GMDS: variants seen among roughly 807,000 people sequenced by gnomAD.
GMDS encodes GDP-mannose 4,6 dehydratase.
GMDS carries 20 observed loss-of-function variants against 49.9 expected under a neutral mutation model. That is an observed-to-expected ratio of 0.40 (90% CI 0.28 to 0.58). GMDS has a LOEUF of 0.58. Ranked by LOEUF, GMDS falls within the 20% of genes least tolerant of loss-of-function variation. The pLI is 0.42. For missense variants in GMDS, 362 were observed against 481.4 expected (o/e 0.75, Z 2.32); for synonymous variants, 177 against 178.6 (o/e 0.99, Z 0.07).
chr6:1,911,513 G>A (rs566938125), intron 7 of GMDS, among the ~76,000 whole-genome samples: 32 of 150,426 alleles, frequency 2.1e-4, no homozygotes, highest in Non-Finnish European at 1.5e-5. Context: ...AAAAACAGAC[G>A]TTTATATTTT....
At chr6:2,076,358 C>T (rs942268961) in intron 4 of GMDS, among the ~76,000 whole-genome samples, 33 of 152,156 alleles carry the variant, frequency 2.2e-4, no homozygotes, top group Middle Eastern at 3.4e-3. Context: ...AGATTCAATG[C>T]CATCCCCATC....
At chr6:2,108,860 A>G (rs1581661623) in intron 4 of GMDS, among the ~76,000 whole-genome samples, 1 of 152,306 alleles carries the variant, frequency 6.6e-6, no homozygotes, top group African/African-American at 2.4e-5. Context: ...CACCTGTGAA[A>G]TAAGTGCTTG....
At chr6:1,759,847 A>C (rs1056849464) in intron 7 of GMDS, among the ~76,000 whole-genome samples, 8 of 152,172 alleles carry the variant, frequency 5.3e-5, no homozygotes, top group African/African-American at 1.9e-4. Flanking sequence ...GGAGTGAGTC[A>C]AGCCAGGTGT....
At chr6:2,097,181 G>A (rs1355128978) in intron 4 of GMDS, among the ~76,000 whole-genome samples, 1 of 152,100 alleles carries the variant, frequency 6.6e-6, no homozygotes, top group East Asian at 1.9e-4. Context: ...AGCTGTTACA[G>A]ATCACTGAAT....
chr6:1,984,665 A>G (rs1765435468), intron 4 of GMDS, among the ~76,000 whole-genome samples: 1 of 152,138 alleles, frequency 6.6e-6, no homozygotes, highest in Non-Finnish European at 1.5e-5. Flanking sequence ...TCTACAATCC[A>G]TCCTCCATGC....
At chr6:1,653,173 G>T (rs569106167) in intron 9 of GMDS, among the ~76,000 whole-genome samples, 2 of 152,130 alleles carry the variant, frequency 1.3e-5, no homozygotes, top group East Asian at 3.9e-4. Context: ...TGTACAATTT[G>T]TCTTATTGTT....
chr6:1,844,628 T>C (rs902433748), intron 7 of GMDS, among the ~76,000 whole-genome samples: 15 of 152,310 alleles, frequency 9.8e-5, no homozygotes, highest in Middle Eastern at 3.4e-3. Flanking sequence ...CCTTTTTTCC[T>C]GGATCTGAGA....
chr6:2,124,673 A>G lies in GMDS; in HGVS notation c.147+14T>C, dbSNP rs373859101. The G allele has an allele frequency of 6.2e-6, 10 of 1,610,690 alleles. No individual in the cohort carries two copies. The African/African-American group carries it at 6.7e-5, about 11-fold the overall frequency. On this transcript the variant is annotated intron_variant, in intron 2 of 10. Transcript: ENST00000380815. ...CCCCACCAGCCTGCGCCCGCTTCCCATTGAGTCACCCACCTCATAGCCTTT... is the reference window on the plus strand; with the variant it reads ...CCCCACCAGCCTGCGCCCGCTTCCCGTTGAGTCACCCACCTCATAGCCTTT...
chr6:1,926,018 G>A (rs906814258), intron 7 of GMDS, among the ~76,000 whole-genome samples: 8 of 152,138 alleles, frequency 5.3e-5, no homozygotes, highest in Non-Finnish European at 1.2e-4. Flanking sequence ...GAGTTTGGCT[G>A]GGGCGGAGAG....
chr6:2,206,302 C>A (rs1279495217), intron 1 of GMDS, among the ~76,000 whole-genome samples: 1 of 151,642 alleles, frequency 6.6e-6, no homozygotes, highest in African/African-American at 2.4e-5. Flanking sequence ...AATGAGTTTT[C>A]CCATTCAAGC....
intron 4 of GMDS, among the ~76,000 whole-genome samples, chr6:2,019,545 G>A (rs1768130161): frequency 6.6e-6 from 1 of 151,958 alleles, no homozygotes; most frequent in Non-Finnish European, 1.5e-5. Context: ...TCACTTCCAG[G>A]TTCAAGTGAT....
At chr6:1,978,843 G>A (rs766364626) in intron 4 of GMDS, among the ~76,000 whole-genome samples, 3 of 152,112 alleles carry the variant, frequency 2.0e-5, no homozygotes, top group African/African-American at 7.2e-5. Context: ...CTCCAGGTGC[G>A]TTCAGGCCAG....
intron 7 of GMDS, among the ~76,000 whole-genome samples, chr6:1,795,746 C>T (rs913332251): frequency 6.6e-6 from 1 of 152,196 alleles, no homozygotes; most frequent in African/African-American, 2.4e-5. Context: ...TGTTCTTATT[C>T]TGAAAGCAGT....
intron 7 of GMDS, among the ~76,000 whole-genome samples, chr6:1,919,744 T>C (rs1477873402): frequency 6.6e-6 from 1 of 152,198 alleles, no homozygotes; most frequent in East Asian, 1.9e-4. Flanking sequence ...GTCCCCAGCC[T>C]ATATTAAACT....
At chr6:2,089,095 C>A (rs1408820746) in intron 4 of GMDS, among the ~76,000 whole-genome samples, 1 of 152,150 alleles carries the variant, frequency 6.6e-6, no homozygotes, top group Non-Finnish European at 1.5e-5. Context: ...CGTATAGATT[C>A]ATTTAAAATA....
chr6:2,077,244 G>A (rs1423916506), intron 4 of GMDS, among the ~76,000 whole-genome samples: 2 of 152,018 alleles, frequency 1.3e-5, no homozygotes, highest in African/African-American at 4.8e-5. Context: ...TAAACAGTCT[G>A]ACTTCCTTTC....
rs140947929 is a variant in GMDS at position 2,195,605 on chromosome 6, T to C, written c.102+49716A>G. Among the ~76,000 whole-genome samples, 52 of 152,264 alleles carry C rather than the reference T, an allele frequency of 3.4e-4. 1 individual carries two copies. In the East Asian group the frequency reaches 9.8e-3, roughly 29 times the overall value. The stretch of plus-strand genomic sequence containing the variant: ...CCTTCTTTGGAAATAATTAAGTCCA[T>C]AAAAATTACATGTTGATTTCTTAGG... On this transcript the variant is annotated intron_variant, in intron 1 of 10. Transcript: ENST00000380815.
intron 7 of GMDS, among the ~76,000 whole-genome samples, chr6:1,776,057 G>C (rs1200710238): frequency 1.3e-5 from 2 of 152,172 alleles, no homozygotes; most frequent in Non-Finnish European, 2.9e-5. Context: ...TACCGTCGTG[G>C]AATGACACGG....
chr6:2,239,201 C>T (rs1434323287), intron 1 of GMDS, among the ~76,000 whole-genome samples: 4 of 151,952 alleles, frequency 2.6e-5, no homozygotes, highest in South Asian at 4.1e-4. Flanking sequence ...TGGTAGCGCA[C>T]GCCTGTAATC....
Sources: allele counts gnomAD v4.1 joint callset (sites outside exome capture counted in the v4.1 genomes callset), GRCh38; gene constraint gnomAD v4.1.1; transcripts MANE v1.5; gene names NCBI Gene and HGNC (gene_info 2026-07-23, HGNC 2026-07-21).